The following SLCO3A1 variants were observed in gnomAD, a reference collection of about 807,000 sequenced individuals.
SLCO3A1 encodes solute carrier organic anion transporter family member 3A1, also known as PGE1 transporter.
A neutral mutation model predicts 63.1 loss-of-function variants in SLCO3A1; 27 were observed. The observed-to-expected ratio is 0.43, with a 90% confidence interval of 0.32 to 0.59. The LOEUF (loss-of-function observed/expected upper bound fraction) is 0.59. SLCO3A1 is among the 20% of genes least tolerant of loss of function. The pLI, the probability that SLCO3A1 is intolerant of heterozygous loss-of-function variation, is 0.09. For missense variants in SLCO3A1, 773 were observed against 945.8 expected (o/e 0.82, Z 2.40); for synonymous variants, 473 against 409.9 (o/e 1.15, Z -1.86).
Position 92,120,457 on chromosome 15 carries a change from C to T in SLCO3A1, c.1010-8C>T, listed in dbSNP as rs202162712. The T allele has an allele frequency of 1.2e-6, 2 of 1,613,826 alleles. No homozygotes were observed. Among genetic ancestry groups the T allele is most frequent in the African/African-American group, 1.3e-5 (1 of 75,046 alleles). ...GACCCTGACCATCTGCCTTCTGTCT[C>T]CCTGCAGTGATCCCGAAGGTCACCA... On this transcript the variant is annotated splice_region_variant and splice_polypyrimidine_tract_variant and intron_variant, in intron 4 of 9. Transcript: ENST00000318445.
chr15:92,151,757 C>T (rs568718293), intron 9 of SLCO3A1, among the ~76,000 whole-genome samples: 1 of 152,336 alleles, frequency 6.6e-6, no homozygotes, highest in East Asian at 1.9e-4. Flanking sequence ...ATAGGACAGT[C>T]ACCTTCCCCA....
At chr15:91,891,754 A>G (rs1897876037) in intron 1 of SLCO3A1, among the ~76,000 whole-genome samples, 1 of 152,250 alleles carries the variant, frequency 6.6e-6, no homozygotes, top group African/African-American at 2.4e-5. Flanking sequence ...TATATAGTAA[A>G]TAGGAAAATC....
Position 91,916,379 on chromosome 15 carries a change from C to T in SLCO3A1, c.567C>T (p.Ile189=), listed in dbSNP as rs1215326608. 2.5e-6 allele frequency: 4 copies of T among 1,612,932 alleles called. No individual in the cohort carries two copies. The highest frequency in any genetic ancestry group is 1.7e-4 in the Middle Eastern group (1 of 6,056). The change falls in exon 2 of 10, where the codon ATC becomes ATT. Residue 189 remains isoleucine (I), a synonymous_variant. Coordinates refer to ENST00000318445, the MANE Select transcript of SLCO3A1 (RefSeq NM_013272.4). This position sits in a 1 kb window ranked among gnomAD's most constrained non-coding sequence, Gnocchi z 6.2. ...LLIGAQVLLG[I]GATPVQPLGV... ...TTGGGGCCCAGGTGCTCCTGGGCAT[C>T]GGTGCTACCCCTGTGCAGCCCCTGG... is the stretch of plus-strand genomic sequence containing the variant.
At chr15:91,892,529 C>T (rs1343853210) in intron 1 of SLCO3A1, among the ~76,000 whole-genome samples, 1 of 152,150 alleles carries the variant, frequency 6.6e-6, no homozygotes, top group African/African-American at 2.4e-5. Flanking sequence ...ATTTTCCTGA[C>T]CTGCATTTGT....
intron 2 of SLCO3A1, among the ~76,000 whole-genome samples, chr15:91,973,852 G>A (rs1226642445): frequency 6.6e-6 from 1 of 152,200 alleles, no homozygotes; most frequent in African/African-American, 2.4e-5. Context: ...AGTGGTTTGA[G>A]TTGGGAGCAT....
chr15:92,044,431 C>CCTG (rs1053133850), intron 2 of SLCO3A1, among the ~76,000 whole-genome samples: 1 of 152,116 alleles, frequency 6.6e-6, no homozygotes, highest in Non-Finnish European at 1.5e-5. Context: ...CAGTGACAGC[C>CCTG]CTGCCACATC....
intron 7 of SLCO3A1, among the ~76,000 whole-genome samples, chr15:92,130,333 C>T (rs1316794435): frequency 6.6e-6 from 1 of 152,210 alleles, no homozygotes; most frequent in Non-Finnish European, 1.5e-5. Context: ...ACTGTTTGTC[C>T]CCCAGACACC....
intron 2 of SLCO3A1, among the ~76,000 whole-genome samples, chr15:92,080,677 G>T (rs927201966): frequency 3.9e-5 from 6 of 152,196 alleles, no homozygotes; most frequent in African/African-American, 1.2e-4. Context: ...GCCACACGGG[G>T]TACACCAGGC....
chr15:91,957,851 C>T (rs151230619), intron 2 of SLCO3A1, among the ~76,000 whole-genome samples: 332 of 152,252 alleles, frequency 2.2e-3, no homozygotes, highest in African/African-American at 7.4e-3. Flanking sequence ...ATCATAAAGA[C>T]GAGGACTTCA....
intron 3 of SLCO3A1, among the ~76,000 whole-genome samples, chr15:92,095,641 C>CA (rs1272682374): frequency 6.6e-6 from 1 of 152,194 alleles, no homozygotes; most frequent in Non-Finnish European, 1.5e-5. Context: ...TCTGTGGTGA[C>CA]AGACAGTCCC....
rs1018681045 is a variant in SLCO3A1 at position 91,954,052 on chromosome 15, G to C, written c.646+37594G>C. On this transcript the variant is annotated intron_variant, in intron 2 of 9. Coordinates refer to ENST00000318445, the MANE Select transcript of SLCO3A1 (RefSeq NM_013272.4). This position sits in a 1 kb window ranked among gnomAD's most constrained non-coding sequence, Gnocchi z 4.7. ...AGAAATTAAAACTGAGGATACACAG[G>C]TGTGTGTTCTGTTAGCCATGGGCGA... Among the ~76,000 whole-genome samples, 8 of 152,158 alleles carry C rather than the reference G, an allele frequency of 5.3e-5. No homozygotes were observed. The East Asian group carries it at 1.5e-3, about 29-fold the overall frequency.
At chr15:92,036,944 C>G (rs2046735180) in intron 2 of SLCO3A1, among the ~76,000 whole-genome samples, 1 of 152,106 alleles carries the variant, frequency 6.6e-6, no homozygotes, top group Admixed American at 6.5e-5. Context: ...TCTCCTGTTT[C>G]CTGGGACCAG....
At chr15:92,040,867 A>G (rs2046788806) in intron 2 of SLCO3A1, among the ~76,000 whole-genome samples, 1 of 152,174 alleles carries the variant, frequency 6.6e-6, no homozygotes, top group Non-Finnish European at 1.5e-5. Flanking sequence ...TGCAACGTGT[A>G]GAAATTCAAG....
downstream of SLCO3A1, among the ~76,000 whole-genome samples, chr15:92,167,094 T>G (rs9783707): frequency 4.4e-3 from 668 of 152,382 alleles, 5 homozygotes; most frequent in African/African-American, 0.015. Context: ...TTGAATATTT[T>G]ATTTGATTTG....
rs940697785 is a variant in SLCO3A1, at chr15:91,853,904, G to A, written c.-5G>A. 30 of 1,383,622 alleles carry A rather than the reference G, an allele frequency of 2.2e-5. No homozygotes were observed. The Admixed American group carries it at 3.4e-4, about 16-fold the overall frequency. 85.7% of individuals were successfully genotyped at this position (1,383,622 alleles called of 1,614,324 possible). The stretch of plus-strand genomic sequence containing the variant: ...GGCGGCGGCGGCGGCGGCGGCGGGG[G>A]AAGGATGCAGGGGAAGAAGCCGGGC... On this transcript the variant is annotated 5_prime_UTR_variant, in exon 1 of 10. Transcript: ENST00000318445.
chr15:91,857,662 G>C (rs965705613), intron 1 of SLCO3A1, among the ~76,000 whole-genome samples: 1 of 152,162 alleles, frequency 6.6e-6, no homozygotes, highest in African/African-American at 2.4e-5. Context: ...GTGCCTATTG[G>C]TGTTTTGCAG....
intron 1 of SLCO3A1, among the ~76,000 whole-genome samples, chr15:91,877,463 C>T (rs193215436): frequency 1.7e-3 from 257 of 152,270 alleles, no homozygotes; most frequent in Non-Finnish European, 2.2e-3. Context: ...GCTATAAAGA[C>T]GCTTACGTTG....
At chr15:92,007,839 A>G (rs1233660740) in intron 2 of SLCO3A1, among the ~76,000 whole-genome samples, 2 of 152,214 alleles carry the variant, frequency 1.3e-5, no homozygotes, top group Non-Finnish European at 2.9e-5. Context: ...CCCAAGGAAG[A>G]GCGATCCAAG....
intron 2 of SLCO3A1, among the ~76,000 whole-genome samples, chr15:91,935,207 C>T (rs1278943260): frequency 6.6e-6 from 1 of 152,188 alleles, no homozygotes; most frequent in Non-Finnish European, 1.5e-5. Context: ...CCGCCTCGGC[C>T]TCCCAAAGTG....
Sources: gnomAD v4.1 joint callset for allele counts (sites outside exome capture counted in the v4.1 genomes callset) on GRCh38, gnomAD v4.1.1 for gene constraint, Gnocchi (gnomAD v3.1) non-coding constraint, MANE v1.5 for transcripts, NCBI Gene and HGNC (gene_info 2026-07-23, HGNC 2026-07-21) for gene names.